The following LINGO2 variants were observed in gnomAD, a reference collection of about 807,000 sequenced individuals.
LINGO2 encodes the protein leucine-rich repeat and immunoglobulin-like domain-containing nogo receptor-interacting protein 2.
Under a neutral mutation model 30.6 loss-of-function variants are expected in LINGO2, and 14 were observed. That is an observed-to-expected ratio of 0.46 (90% CI 0.30 to 0.72). The LOEUF is 0.72. LINGO2 is among the 30% of genes least tolerant of loss of function. LINGO2 has a pLI of 0.07. For missense variants in LINGO2, 729 were observed against 751.7 expected, an observed-to-expected ratio of 0.97 and a Z score of 0.35; for synonymous variants, 317 against 288.5, an observed-to-expected ratio of 1.10 and a Z score of -1.00.
chr9:28,048,401 TTACA>T (rs1563942224), intron 4 of LINGO2, among the ~76,000 whole-genome samples: 1 of 150,602 alleles, frequency 6.6e-6, no homozygotes, highest in Non-Finnish European at 1.5e-5. Context: ...AACATCAAAA[TTACA>T]TAAATATTAA....
At chr9:28,184,366 G>C (rs1417385327) in intron 4 of LINGO2, among the ~76,000 whole-genome samples, 1 of 152,090 alleles carries the variant, frequency 6.6e-6, no homozygotes, top group East Asian at 1.9e-4. Flanking sequence ...ATACTATGAG[G>C]CACATCTGGT....
chr9:29,152,337 T>C, the LINGO2 span, among the ~76,000 whole-genome samples: 1 of 152,140 alleles, frequency 6.6e-6, no homozygotes, highest in African/African-American at 2.4e-5. Flanking sequence ...AATAATTTGT[T>C]CTGCAAAAAA....
chr9:28,029,078 G>T (rs1269228276), intron 4 of LINGO2, among the ~76,000 whole-genome samples: 2 of 152,120 alleles, frequency 1.3e-5, no homozygotes, highest in South Asian at 2.1e-4. Flanking sequence ...TCTATGCAGA[G>T]AAATTTCAGC....
At chr9:28,745,896 T>C in the LINGO2 span, among the ~76,000 whole-genome samples, 4 of 152,084 alleles carry the variant, frequency 2.6e-5, no homozygotes, top group Non-Finnish European at 5.9e-5. Context: ...TCTAAAGTTC[T>C]TGTCAGCATT....
intron 5 of LINGO2, among the ~76,000 whole-genome samples, chr9:27,957,055 T>G (rs1819606380): frequency 6.6e-6 from 1 of 152,196 alleles, no homozygotes; most frequent in Non-Finnish European, 1.5e-5. Flanking sequence ...TGATTGACAC[T>G]GCACTCCAGT....
chr9:28,296,663 C>G (rs1405453284), intron 3 of LINGO2, among the ~76,000 whole-genome samples: 3 of 152,176 alleles, frequency 2.0e-5, no homozygotes, highest in Non-Finnish European at 4.4e-5. Flanking sequence ...ATGCCTTGCA[C>G]TAGAATGCAG....
chr9:28,412,195 A>AAC (rs1431722612), intron 2 of LINGO2, among the ~76,000 whole-genome samples: 3 of 147,670 alleles, frequency 2.0e-5, no homozygotes, highest in Admixed American at 1.4e-4. Flanking sequence ...GAAAAAAAAA[A>AAC]AAAAAAAAAA....
chr9:28,668,536 C>G (rs550213141), intron 1 of LINGO2, among the ~76,000 whole-genome samples: 105 of 151,454 alleles, frequency 6.9e-4, no homozygotes, highest in Admixed American at 1.1e-3. Context: ...ATGTGTTTCA[C>G]TTTCAGCTGA....
chr9:28,410,451 TAAACCAGCTG>T (rs1424547213), intron 2 of LINGO2, among the ~76,000 whole-genome samples: 4 of 152,116 alleles, frequency 2.6e-5, no homozygotes, highest in Admixed American at 2.0e-4. Flanking sequence ...CCTGCTCCCC[TAAACCAGCTG>T]AAAGGCTGTT....
the LINGO2 span, among the ~76,000 whole-genome samples, chr9:29,091,672 A>G: frequency 6.6e-6 from 1 of 151,986 alleles, no homozygotes; most frequent in South Asian, 2.1e-4. Flanking sequence ...TATCTCGTCC[A>G]CAGGACAGTC....
the LINGO2 span, among the ~76,000 whole-genome samples, chr9:29,001,850 T>C: frequency 6.6e-6 from 1 of 151,990 alleles, no homozygotes; most frequent in Non-Finnish European, 1.5e-5. Flanking sequence ...CAACCTCAAA[T>C]AGCAAATACA....
the LINGO2 span, among the ~76,000 whole-genome samples, chr9:29,131,257 T>C: frequency 4.6e-5 from 7 of 152,178 alleles, no homozygotes; most frequent in Admixed American, 3.3e-4. Flanking sequence ...GGTCTCATAA[T>C]GGTTAGCCAC....
At chr9:28,669,493 T>G (rs539072310) in intron 1 of LINGO2, among the ~76,000 whole-genome samples, 12 of 152,106 alleles carry the variant, frequency 7.9e-5, no homozygotes, top group South Asian at 2.1e-4. Flanking sequence ...TAATTTCAGA[T>G]AGTAAAAAGA....
chr9:28,616,114 C>T (rs1162955053), intron 1 of LINGO2, among the ~76,000 whole-genome samples: 1 of 152,062 alleles, frequency 6.6e-6, no homozygotes, highest in East Asian at 1.9e-4. Context: ...GTTCATCAAG[C>T]TGTACATTAA....
intron 4 of LINGO2, among the ~76,000 whole-genome samples, chr9:28,052,878 A>G (rs1824740124): frequency 6.6e-6 from 1 of 152,124 alleles, no homozygotes; most frequent in African/African-American, 2.4e-5. Flanking sequence ...GACTTGCAAT[A>G]TCTAGATAAT....
At chr9:28,852,036 T>A in the LINGO2 span, among the ~76,000 whole-genome samples, 122 of 151,990 alleles carry the variant, frequency 8.0e-4, no homozygotes, top group Admixed American at 6.1e-3. Flanking sequence ...GACTTCCAGT[T>A]GCACTCAGGA....
the LINGO2 span, among the ~76,000 whole-genome samples, chr9:29,047,411 T>C: frequency 2.6e-5 from 4 of 152,124 alleles, no homozygotes; most frequent in African/African-American, 9.7e-5. Flanking sequence ...TAGCAGTCTA[T>C]AAGAGAATGC....
chr9:28,396,815 T>G (rs1035052113), intron 2 of LINGO2, among the ~76,000 whole-genome samples: 5 of 151,466 alleles, frequency 3.3e-5, no homozygotes, highest in Non-Finnish European at 1.5e-5. Flanking sequence ...AGAAACTACC[T>G]TGAGGTTTTG....
the LINGO2 span, among the ~76,000 whole-genome samples, chr9:29,041,892 A>T: frequency 3.9e-5 from 6 of 151,924 alleles, no homozygotes; most frequent in Non-Finnish European, 2.9e-5. Context: ...ATATTCACAC[A>T]CCCTCTATCT....
Sources: allele counts gnomAD v4.1 joint callset (sites outside exome capture counted in the v4.1 genomes callset), GRCh38; gene constraint gnomAD v4.1.1; transcripts MANE v1.5; gene names NCBI Gene and HGNC (gene_info 2026-07-23, HGNC 2026-07-21).